Variants in SLCO3A1 observed in about 807,000 individuals in gnomAD.
The protein encoded by SLCO3A1 is solute carrier organic anion transporter family member 3A1.
A neutral mutation model predicts 63.1 loss-of-function variants in SLCO3A1; 27 were observed. The observed-to-expected ratio is 0.43, with a 90% confidence interval of 0.32 to 0.59. The LOEUF is 0.59. Ranked by LOEUF, SLCO3A1 falls within the 20% of genes least tolerant of loss-of-function variation. The pLI, the probability that SLCO3A1 is intolerant of heterozygous loss-of-function variation, is 0.09. For synonymous variants in SLCO3A1, 473 were observed against 409.9 expected (o/e 1.15, Z -1.86); for missense variants, 773 against 945.8 (o/e 0.82, Z 2.40).
chr15:92,051,322 TCA>T (rs2046954698), intron 2 of SLCO3A1, among the ~76,000 whole-genome samples: 1 of 152,100 alleles, frequency 6.6e-6, no homozygotes, highest in African/African-American at 2.4e-5. Flanking sequence ...AGGGAATGTG[TCA>T]CCCTTAGGGA....
intron 2 of SLCO3A1, among the ~76,000 whole-genome samples, chr15:92,023,561 C>T (rs531752079): frequency 2.6e-5 from 4 of 152,024 alleles, no homozygotes; most frequent in East Asian, 1.9e-4. Flanking sequence ...CTCTGCCTCC[C>T]GGGTTCAGGC....
In SLCO3A1 at chr15:92,153,182, A is replaced by G. The variant is rs528115775; in HGVS notation, c.1753+2168A>G. Among the ~76,000 whole-genome samples the G allele has an allele frequency of 2.3e-3, 344 of 152,262 alleles. 2 individuals carry two copies. Among genetic ancestry groups the G allele is most frequent in the Admixed American group, 3.8e-3 (58 of 15,290 alleles). ...CTGCAACTGTAATCTAGAGCAAGAG[A>G]TGACAAGTTTTGCATTATGGCCCAG... On this transcript the variant is annotated intron_variant, in intron 9 of 9. Coordinates refer to ENST00000318445, the MANE Select transcript of SLCO3A1 (RefSeq NM_013272.4).
At position 91,854,917 on chromosome 15, in the gene SLCO3A1, A is replaced by G. The variant is rs745697531; in HGVS notation, c.180+829A>G. ...CAGAGGAAACAGCTTGTAATGACTC[A>G]GCACTGTCAGGTACCTACTTTGTCG... On this transcript the variant is annotated intron_variant, in intron 1 of 9. Transcript: ENST00000318445. This position sits in a 1 kb window ranked among gnomAD's most constrained non-coding sequence, Gnocchi z 6.4. Among the ~76,000 whole-genome samples the G allele has an allele frequency of 1.1e-4, 17 of 152,204 alleles. No individual in the cohort carries two copies. Among genetic ancestry groups the G allele is most frequent in the South Asian group, 2.1e-4 (1 of 4,818 alleles).
At chr15:91,999,777 G>A (rs774935347) in intron 2 of SLCO3A1, among the ~76,000 whole-genome samples, 3 of 152,208 alleles carry the variant, frequency 2.0e-5, no homozygotes, top group Non-Finnish European at 2.9e-5. Context: ...GCAACAGAGC[G>A]AGAGACCCTG....
intron 2 of SLCO3A1, among the ~76,000 whole-genome samples, chr15:91,976,600 T>C (rs1323717622): frequency 1.3e-5 from 2 of 152,178 alleles, no homozygotes; most frequent in Non-Finnish European, 2.9e-5. Flanking sequence ...GGGCACCAGA[T>C]ATCGGGGAAT....
intron 2 of SLCO3A1, among the ~76,000 whole-genome samples, chr15:92,040,730 T>C (rs2046787122): frequency 6.6e-6 from 1 of 152,022 alleles, no homozygotes; most frequent in Non-Finnish European, 1.5e-5. Flanking sequence ...GATATTAGGG[T>C]GGGTCAGGTG....
Position 92,163,502 on chromosome 15 carries a change from C to G in SLCO3A1, c.*367C>G. On this transcript the variant is annotated 3_prime_UTR_variant, in exon 10 of 10. Coordinates refer to ENST00000318445, the MANE Select transcript of SLCO3A1 (RefSeq NM_013272.4). ...GGATGGACATTTCTGGATACACATACACATACAAAACAGAAAACATTTTTT... is the reference window on the plus strand; with the variant it reads ...GGATGGACATTTCTGGATACACATAGACATACAAAACAGAAAACATTTTTT... 1 of 1,001,748 alleles carries G rather than the reference C, an allele frequency of 1.0e-6. No individual in the cohort carries two copies. Among genetic ancestry groups the G allele is most frequent in the Non-Finnish European group, 1.2e-6 (1 of 841,856 alleles). The allele number at this position is 1,001,748 out of a possible 1,614,324, so 62.1% of individuals were successfully genotyped here. A position where few individuals can be genotyped will look rare whatever the true frequency, so the allele number is the denominator to read the frequency against.
At chr15:92,143,635 C>T in intron 7 of SLCO3A1, among the ~76,000 whole-genome samples, 1 of 142,632 alleles carries the variant, frequency 7.0e-6, no homozygotes, top group African/African-American at 2.6e-5. Flanking sequence ...GCGGGGGATT[C>T]AGAATTACCT....
At chr15:92,005,027 C>A (rs1183113264) in intron 2 of SLCO3A1, among the ~76,000 whole-genome samples, 1 of 152,178 alleles carries the variant, frequency 6.6e-6, no homozygotes, top group Non-Finnish European at 1.5e-5. Context: ...CTTTATTTGC[C>A]ACAACTTACT....
intron 1 of SLCO3A1, among the ~76,000 whole-genome samples, chr15:91,915,209 C>A (rs1224285530): frequency 6.6e-6 from 1 of 152,134 alleles, no homozygotes; most frequent in East Asian, 1.9e-4. Context: ...CTTCTTCAGG[C>A]CAGATGTCCT....
intron 1 of SLCO3A1, among the ~76,000 whole-genome samples, chr15:91,858,837 C>G (rs1434781474): frequency 6.6e-6 from 1 of 152,198 alleles, no homozygotes; most frequent in African/African-American, 2.4e-5. Context: ...CTGCCTTGAT[C>G]AGGGACTGTA....
At chr15:91,888,843 A>G (rs988504210) in intron 1 of SLCO3A1, among the ~76,000 whole-genome samples, 1 of 151,512 alleles carries the variant, frequency 6.6e-6, no homozygotes. Flanking sequence ...AAAACAAAAC[A>G]AAAAAAACAA....
At chr15:91,880,347 C>T (rs975911968) in intron 1 of SLCO3A1, among the ~76,000 whole-genome samples, 2 of 148,272 alleles carry the variant, frequency 1.3e-5, no homozygotes, top group Non-Finnish European at 2.9e-5. Flanking sequence ...TAGGGTCCAC[C>T]AACAGATTTC....
chr15:92,146,000 G>T (rs1466718506), intron 7 of SLCO3A1, among the ~76,000 whole-genome samples: 1 of 152,138 alleles, frequency 6.6e-6, no homozygotes, highest in Non-Finnish European at 1.5e-5. Context: ...GAGGACCAGA[G>T]GAGGAGAACT....
At chr15:92,047,739 G>T (rs1410120031) in intron 2 of SLCO3A1, among the ~76,000 whole-genome samples, 1 of 145,936 alleles carries the variant, frequency 6.9e-6, no homozygotes, top group South Asian at 2.1e-4. Flanking sequence ...GATTCGAATC[G>T]TTCATCCTTT....
chr15:92,171,713 C>A (rs2151610056), intron 10 of SLCO3A1: 2 of 1,124,608 alleles, frequency 1.8e-6, no homozygotes, highest in Non-Finnish European at 2.6e-6. Context: ...GCCTAACAAA[C>A]AGTAGGTGAA....
At chr15:92,111,260 C>T (rs1436348348) in intron 4 of SLCO3A1, among the ~76,000 whole-genome samples, 1 of 152,214 alleles carries the variant, frequency 6.6e-6, no homozygotes, top group Admixed American at 6.5e-5. Context: ...CTCCTCCATC[C>T]ATTACCATCT....
chr15:92,140,652 A>C (rs12441453), intron 7 of SLCO3A1, among the ~76,000 whole-genome samples: 1 of 151,776 alleles, frequency 6.6e-6, no homozygotes, highest in Non-Finnish European at 1.5e-5. Context: ...GCTTTATGAA[A>C]CTGGGGGCTC....
intron 2 of SLCO3A1, among the ~76,000 whole-genome samples, chr15:91,992,249 G>A (rs1484813657): frequency 6.6e-6 from 1 of 152,206 alleles, no homozygotes; most frequent in Non-Finnish European, 1.5e-5. Context: ...GGGGAGGAGT[G>A]TTCTGAACTC....
Sources: gnomAD v4.1 joint callset for allele counts (sites outside exome capture counted in the v4.1 genomes callset) on GRCh38, gnomAD v4.1.1 for gene constraint, Gnocchi (gnomAD v3.1) non-coding constraint, MANE v1.5 for transcripts, NCBI Gene and HGNC (gene_info 2026-07-23, HGNC 2026-07-21) for gene names.